Variants in WDR81 observed in about 807,000 individuals in gnomAD.
WDR81 encodes WD repeat domain 81.
Under a neutral mutation model 140.8 loss-of-function variants are expected in WDR81, and 92 were observed. That is an observed-to-expected ratio of 0.65 (90% CI 0.55 to 0.78). WDR81 has a LOEUF of 0.78. WDR81 is among the 30% of genes least tolerant of loss of function. The probability of loss-of-function intolerance (pLI) is 0.00; values close to 1 mark genes in which losing one functional copy is unlikely to be tolerated. For synonymous variants in WDR81, 1,183 were observed against 1,156.4 expected (o/e 1.02, Z -0.47); for missense variants, 2,502 against 2,636.4 (o/e 0.95, Z 1.12).
chr17:1,733,365 A>G (rs1156617779), intron 6 of WDR81, among the ~76,000 whole-genome samples, 162 bp from the exon 7 acceptor site: 3 of 152,210 alleles, frequency 2.0e-5, no homozygotes, highest in Non-Finnish European at 2.9e-5. Context: ...GAATGAATCC[A>G]CATTTCACTG....
intron 1 of WDR81, among the ~76,000 whole-genome samples, chr17:1,719,215 C>T (rs1476102671): frequency 6.6e-6 from 1 of 152,192 alleles, no homozygotes; most frequent in Non-Finnish European, 1.5e-5. Context: ...GGAATTCAAG[C>T]CTTGTTGTAG....
At position 1,731,160 on chromosome 17, in the gene WDR81, C is replaced by T. The variant is rs375867041; in HGVS notation, c.4059C>T (p.Ile1353=). 50 of 1,613,494 alleles carry T rather than the reference C, an allele frequency of 3.1e-5. No homozygotes were observed. The South Asian group carries it at 4.0e-4, about 13-fold the overall frequency. Residue 1353 remains isoleucine, a synonymous_variant, in exon 4 of 10, where the codon ATC becomes ATT. Coordinates refer to ENST00000409644, the MANE Select transcript of WDR81 (RefSeq NM_001163809.2). ...CGGTGACGCTGACTCAGAAGATCAT[C>T]GTGTACCTCTCAGACACCACACTCA... ...LAAVTLTQKI[I]VYLSDTTLMD...
In WDR81 at chr17:1,735,576, G is replaced by T. The variant is rs778333742; in HGVS notation, c.5184G>T (p.Lys1728Asn). ...CACTGTGACTTTCCTTCCCAGGGAA[G>T]ACCCTTCGCACAGTGGAGCCGCTGG... ...AVHVWDPFTG[K>N]TLRTVEPLDS... The change falls in exon 8 of 10, where the codon AAG (lysine) becomes AAT (asparagine). Residue 1728 changes from lysine (K) to asparagine (N), a missense_variant. This residue lies in a region of WDR81 where 1,737 missense variants were observed against 1,843.0 expected (regional missense o/e 0.94). Coordinates refer to ENST00000409644, the MANE Select transcript of WDR81 (RefSeq NM_001163809.2). This position sits in a 1 kb window ranked among gnomAD's most constrained non-coding sequence, Gnocchi z 4.2. 1 of 1,606,702 alleles carries T rather than the reference G, an allele frequency of 6.2e-7. No individual in the cohort carries two copies. The highest frequency in any genetic ancestry group is 1.7e-5 in the Admixed American group (1 of 59,226).
rs1597287261 is a variant in WDR81, at chr17:1,726,389, C to T, written c.1430C>T (p.Pro477Leu). 4 of 1,550,034 alleles carry T rather than the reference C, an allele frequency of 2.6e-6. No individual in the cohort carries two copies. Among genetic ancestry groups the T allele is most frequent in the East Asian group, 4.9e-5 (2 of 40,906 alleles). The change falls in exon 1 of 10, where the codon CCG becomes CTG. Residue 477 changes from proline to leucine, a missense_variant. Physicochemically the swap from Pro to Leu is moderately conservative, Grantham distance 98. This residue lies in a region of WDR81 where 218 missense variants were observed against 279.6 expected (regional missense o/e 0.78). Coordinates refer to ENST00000409644, the MANE Select transcript of WDR81 (RefSeq NM_001163809.2). ...GCGCAGTGGGAGCCCCATGAGTATC[C>T]GGCCAGCATGGAGCGGATGCAGAAC... ...VRAQWEPHEY[P>L]ASMERMQNWT... is the part of the protein sequence containing the mutation.
In WDR81 at chr17:1,738,070, C is replaced by T. The variant is rs531157683; in HGVS notation, c.*385C>T. On this transcript the variant is annotated 3_prime_UTR_variant, in exon 10 of 10. Transcript: ENST00000409644. The stretch of plus-strand genomic sequence containing the variant: ...AGCCGGTCTCTAGCCCCTCAGCCCC[C>T]GCTGGGCACTCTCTGTCCCATCCCT... The T allele has an allele frequency of 5.7e-5, 17 of 300,088 alleles. No homozygotes were observed. Among genetic ancestry groups the T allele is most frequent in the African/African-American group, 1.7e-4 (8 of 46,610 alleles). The allele number at this position is 300,088 out of a possible 1,614,324, so 18.6% of individuals were successfully genotyped here.
In WDR81 at chr17:1,733,597, C is replaced by T. The variant is rs1172849954; in HGVS notation, c.4560C>T (p.Ser1520=). The change falls in exon 7 of 10, where the codon AGC becomes AGT. Residue 1520 remains serine (S), a synonymous_variant. Coordinates refer to ENST00000409644, the MANE Select transcript of WDR81 (RefSeq NM_001163809.2). ...VGELAALYLE[S]ISPSSRNPAS... is the part of the protein sequence containing the mutation. ...AGCTGGCGGCGCTGTACTTGGAGAG[C>T]ATCAGCCCCAGCAGTCGCAACCCTG... The T allele has an allele frequency of 1.9e-6, 3 of 1,566,352 alleles. No individual in the cohort carries two copies. The highest frequency in any genetic ancestry group is 1.9e-5 in the Admixed American group (1 of 52,882).
rs1915217869 is a variant in WDR81 at position 1,725,968 on chromosome 17, G to C, written c.1009G>C (p.Gly337Arg). ...VSQEEQGGQP[G>R]QPTGQEELRS... ...TCAAGAGGAGCAGGGAGGGCAACCT[G>C]GGCAACCCACTGGCCAGGAGGAACT... The change falls in exon 1 of 10, where the codon GGG (glycine) becomes CGG (arginine). Residue 337 changes from glycine to arginine, a missense_variant. Physicochemically the swap from Gly to Arg is moderately radical, Grantham distance 125. Around this residue, in one of 3 missense-constraint regions of WDR81, gnomAD observed 547 missense variants for 513.8 expected, o/e 1.06. Coordinates refer to ENST00000409644, the MANE Select transcript of WDR81 (RefSeq NM_001163809.2). The C allele has an allele frequency of 6.4e-7, 1 of 1,550,480 alleles. No homozygotes were observed. Among genetic ancestry groups the C allele is most frequent in the African/African-American group, 1.4e-5 (1 of 73,172 alleles).
rs1415163482 is a variant in WDR81, at chr17:1,736,065, G to A, written c.5352G>A (p.Leu1784=). The A allele has an allele frequency of 2.1e-5, 34 of 1,600,362 alleles. No individual in the cohort carries two copies. The East Asian group carries it at 7.4e-4, about 35-fold the overall frequency. ...LQHEFRLGGG[L]NPGLVRALAI... is the part of the protein sequence containing the mutation. Reference sequence around the variant, plus strand: ...ACGAGTTCCGACTGGGCGGTGGGCTGAACCCTGGGCTTGTCCGTGCCCTGG... The same window carrying A: ...ACGAGTTCCGACTGGGCGGTGGGCTAAACCCTGGGCTTGTCCGTGCCCTGG... The change falls in exon 9 of 10, where the codon CTG becomes CTA. Residue 1784 remains leucine (L), a synonymous_variant. Coordinates refer to ENST00000409644, the MANE Select transcript of WDR81 (RefSeq NM_001163809.2).
At chr17:1,736,354 C>T in intron 9 of WDR81, 136 bp downstream of exon 9, 2 of 1,131,856 alleles carry the variant, frequency 1.8e-6, no homozygotes, top group Non-Finnish European at 2.4e-6. Context: ...ACTAACTGGG[C>T]AGGGAGGGTA....
At position 1,733,547 on chromosome 17, in the gene WDR81, AT is replaced by A. The variant is rs1334776653; in HGVS notation, c.4511del (p.Ile1504ThrfsTer99). On this transcript the variant is annotated frameshift_variant, in exon 7 of 10. Transcript: ENST00000409644. LOFTEE classifies it high-confidence loss of function. ...TCCAGGTGACATCATCCGGAAAATC[AT>A]CCCCAACCACGAGCTGGTTGGGGAG... ...CLLGDIIRKI[I>X]PNHELVGELA... The A allele has an allele frequency of 1.3e-6, 2 of 1,516,832 alleles. No homozygotes were observed. The highest frequency in any genetic ancestry group is 2.7e-5 in the South Asian group (2 of 75,462). The allele number at this position is 1,516,832 out of a possible 1,614,324, so 94.0% of individuals were successfully genotyped here. A position where few individuals can be genotyped will look rare whatever the true frequency, so the allele number is the denominator to read the frequency against.
chr17:1,733,516 C>T lies in WDR81; in HGVS notation c.4490-11C>T. The T allele has an allele frequency of 6.6e-7, 1 of 1,514,162 alleles. No homozygotes were observed. Among genetic ancestry groups the T allele is most frequent in the Non-Finnish European group, 8.8e-7 (1 of 1,132,432 alleles). The allele number at this position is 1,514,162 out of a possible 1,614,324, so 93.8% of individuals were successfully genotyped here. Reference sequence around the variant, plus strand: ...CTTCCCTGTCTCAGGACCTCTCCCACTCCTATCCAGGTGACATCATCCGGA... The same window carrying T: ...CTTCCCTGTCTCAGGACCTCTCCCATTCCTATCCAGGTGACATCATCCGGA... On this transcript the variant is annotated splice_polypyrimidine_tract_variant and intron_variant, in intron 6 of 9. Coordinates refer to ENST00000409644, the MANE Select transcript of WDR81 (RefSeq NM_001163809.2).
Position 1,735,731 on chromosome 17 carries a change from A to G in WDR81, c.5325+14A>G, listed in dbSNP as rs553835032. The stretch of plus-strand genomic sequence containing the variant: ...CCTGGTCTGCAGGTCAGGGGGGTCC[A>G]GTTCCCTGAGCACTCGCCTGGTTCT... On this transcript the variant is annotated intron_variant, in intron 8 of 9. Coordinates refer to ENST00000409644, the MANE Select transcript of WDR81 (RefSeq NM_001163809.2). The surrounding 1 kb of genome is among the most constrained non-coding windows in gnomAD (Gnocchi z 4.2). 6.9e-6 allele frequency: 11 copies of G among 1,604,776 alleles called. No individual in the cohort carries two copies. In the East Asian group the frequency reaches 1.6e-4, roughly 23 times the overall value.
Position 1,726,058 on chromosome 17 carries a change from A to C in WDR81, c.1099A>C (p.Asn367His). The change falls in exon 1 of 10, where the codon AAT becomes CAT. Residue 367 changes from asparagine to histidine, a missense_variant. Asn to His is a moderately conservative substitution (Grantham distance 68). Coordinates refer to ENST00000409644, the MANE Select transcript of WDR81 (RefSeq NM_001163809.2). ...CAACTTCCACTACCTCATGCAGCTG[A>C]ATCGGTTGGCAGGTCGGCGGCAGGG... ...ISNFHYLMQL[N>H]RLAGRRQGDP... 1 of 1,547,698 alleles carries C rather than the reference A, an allele frequency of 6.5e-7. No homozygotes were observed. Among genetic ancestry groups the C allele is most frequent in the Non-Finnish European group, 8.7e-7 (1 of 1,144,994 alleles).
rs554835801 is a variant in WDR81, at chr17:1,726,779, A to C, written c.1820A>C (p.Lys607Thr). Residue 607 changes from lysine to threonine, a missense_variant, in exon 1 of 10, where the codon AAG becomes ACG. Lys to Thr is a moderately conservative substitution (Grantham distance 78). Coordinates refer to ENST00000409644, the MANE Select transcript of WDR81 (RefSeq NM_001163809.2). ...GCCCCCGAGCCTCCCCTCATCCCCA[A>C]GCTGTTGGTCCAGACCATCCAGGAG... ...ALAPEPPLIP[K>T]LLVQTIQETT... 10 of 1,548,562 alleles carry C rather than the reference A, an allele frequency of 6.5e-6. No homozygotes were observed. The highest frequency in any genetic ancestry group is 1.4e-5 in the African/African-American group (1 of 73,098).
chr17:1,737,522 C>A lies in WDR81; in HGVS notation c.5663C>A (p.Ser1888Tyr). 1 of 1,613,120 alleles carries A rather than the reference C, an allele frequency of 6.2e-7. No individual in the cohort carries two copies. Among genetic ancestry groups the A allele is most frequent in the Non-Finnish European group, 8.5e-7 (1 of 1,180,004 alleles). The change falls in exon 10 of 10, where the codon TCC becomes TAC. Residue 1888 changes from serine (S) to tyrosine (Y), a missense_variant. By Grantham distance (144) the Ser-to-Tyr change is moderately radical (BLOSUM62 -2). Transcript: ENST00000409644. ...AGCGAGGTGGTCACTGGCACCGTGT[C>A]CAACAAGATTGGCGTCTGCTCCCTG... ...YGSEVVTGTV[S>Y]NKIGVCSLLE... is the part of the protein sequence containing the mutation.
rs1350859159 is a variant in WDR81 at position 1,737,438 on chromosome 17, A to G, written c.5579A>G (p.Lys1860Arg). The G allele has an allele frequency of 1.2e-6, 2 of 1,612,992 alleles. No individual in the cohort carries two copies. Among genetic ancestry groups the G allele is most frequent in the South Asian group, 2.2e-5 (2 of 91,082 alleles). The change falls in exon 10 of 10, where the codon AAG becomes AGG. Residue 1860 changes from lysine to arginine, a missense_variant. Around this residue, in one of 3 missense-constraint regions of WDR81, gnomAD observed 1,737 missense variants for 1,843.0 expected, o/e 0.94. Transcript: ENST00000409644. ...ACCGTCTGGAAGGAGCTGGAGCAGA[A>G]GCCCACCCATCACTACAAGTCAGCA... ...SLTVWKELEQ[K>R]PTHHYKSASD...
rs1167329072 is a variant in WDR81 at position 1,735,342 on chromosome 17, T to C, written c.5180-230T>C. ...TATTCGGGAGGCTGAGGCAAGAGAA[T>C]TGCTTGAACCTGGGAGGTGGAGGTT... On this transcript the variant is annotated intron_variant, in intron 7 of 9. Coordinates refer to ENST00000409644, the MANE Select transcript of WDR81 (RefSeq NM_001163809.2). This position sits in a 1 kb window ranked among gnomAD's most constrained non-coding sequence, Gnocchi z 4.2. 6.6e-6 allele frequency among the ~76,000 whole-genome samples: 1 copy of C among 152,112 alleles called. No individual in the cohort carries two copies. Among genetic ancestry groups the C allele is most frequent in the Non-Finnish European group, 1.5e-5 (1 of 68,014 alleles).
At position 1,733,677 on chromosome 17, in the gene WDR81, G is replaced by C; in HGVS notation, c.4640G>C (p.Gly1547Ala). 1 of 1,610,778 alleles carries C rather than the reference G, an allele frequency of 6.2e-7. No individual in the cohort carries two copies. The highest frequency in any genetic ancestry group is 8.5e-7 in the Non-Finnish European group (1 of 1,178,720). The change falls in exon 7 of 10, where the codon GGG becomes GCG. Residue 1547 changes from glycine (G) to alanine (A), a missense_variant. Transcript: ENST00000409644. ...GGGCCCGAGTGGGACCCCCATGGTG[G>C]GGGCTGCCCTCAGGATGACGGCCAC... ...GTGPEWDPHG[G>A]GCPQDDGHSG...
chr17:1,724,558 C>T, upstream of WDR81: 4 of 978,596 alleles, frequency 4.1e-6, no homozygotes, highest in Non-Finnish European at 3.6e-6. Flanking sequence ...CTTTCAGCCC[C>T]GGGAGGAAGC....
Sources: allele counts gnomAD v4.1 joint callset (sites outside exome capture counted in the v4.1 genomes callset), GRCh38; gene constraint gnomAD v4.1.1; regional missense constraint gnomAD v4.1.1; non-coding constraint Gnocchi (gnomAD v3.1); transcripts MANE v1.5; gene names NCBI Gene and HGNC (gene_info 2026-07-23, HGNC 2026-07-21).